POLN: variants seen among roughly 807,000 people sequenced by gnomAD.
POLN encodes DNA polymerase N.
POLN carries 108 observed loss-of-function variants against 113.5 expected under a neutral mutation model. The observed-to-expected ratio is 0.95, with a 90% CI of 0.81 to 1.12. The LOEUF is 1.12. Among genes scored for constraint, POLN ranks in the 50% most tolerant of loss-of-function variants. POLN has a pLI of 0.00. For synonymous variants in POLN, 386 were observed against 391.5 expected (o/e 0.99, Z 0.17); for missense variants, 1,097 against 1,077.1 (o/e 1.02, Z -0.26).
Position 2,241,532 on chromosome 4 carries a change from C to A in POLN, c.-25G>T. On this transcript the variant is annotated 5_prime_UTR_variant, in exon 2 of 26. Transcript: ENST00000511885. ...ACTAAATATTTACCTCAACGTCTCGCCGGGCAAGGCTCCACCTCCAGAGTC... is the reference window on the plus strand; with the variant it reads ...ACTAAATATTTACCTCAACGTCTCGACGGGCAAGGCTCCACCTCCAGAGTC... 1 of 985,900 alleles carries A rather than the reference C, an allele frequency of 1.0e-6. No individual in the cohort carries two copies. Among genetic ancestry groups the A allele is most frequent in the Non-Finnish European group, 1.2e-6 (1 of 830,262 alleles). 61.1% of individuals were successfully genotyped at this position (985,900 alleles called of 1,614,324 possible). A position where few individuals can be genotyped will look rare whatever the true frequency, so the allele number is the denominator to read the frequency against.
At chr4:2,181,183 T>C (rs573424051) in intron 7 of POLN, among the ~76,000 whole-genome samples, 23 of 152,336 alleles carry the variant, frequency 1.5e-4, no homozygotes, top group Admixed American at 1.3e-3. Flanking sequence ...CTTGCTCTGT[T>C]GCCCAAGCTG....
chr4:2,081,347 C>T, intron 22 of POLN: 1 of 681,310 alleles, frequency 1.5e-6, no homozygotes, highest in Non-Finnish European at 2.4e-6. Context: ...GTCTCCTAAA[C>T]CATAGAAGCC....
Position 2,081,014 on chromosome 4 carries a change from C to T in POLN, c.2331G>A (p.Lys777=). ...CAGTGAAGACATGGATCATGGCCAG[C>T]TTGCAGAGGTCAGCAGCGGAGCCTA... is the stretch of plus-strand genomic sequence containing the variant. ...VVQGSAADLC[K]LAMIHVFTAV... The change falls in exon 23 of 26, where the codon AAG becomes AAA. Residue 777 remains lysine (K), a synonymous_variant. Coordinates refer to ENST00000511885, the MANE Select transcript of POLN (RefSeq NM_181808.4). 6.2e-7 allele frequency: 1 copy of T among 1,613,868 alleles called. No homozygotes were observed. Among genetic ancestry groups the T allele is most frequent in the Non-Finnish European group, 8.5e-7 (1 of 1,179,976 alleles).
At chr4:2,157,800 C>A in intron 15 of POLN, 58 bp downstream of exon 15, 1 of 1,061,122 alleles carries the variant, frequency 9.4e-7, no homozygotes, top group Non-Finnish European at 1.4e-6. Flanking sequence ...CTATATGTAT[C>A]TGAACTCATA....
chr4:2,121,978 T>C (rs907636574), intron 19 of POLN, among the ~76,000 whole-genome samples: 4 of 152,146 alleles, frequency 2.6e-5, no homozygotes, highest in Non-Finnish European at 4.4e-5. Context: ...GCTATACTTT[T>C]CCCACTTTAC....
chr4:2,240,820 A>C, intron 2 of POLN: 1 of 1,613,786 alleles, frequency 6.2e-7, no homozygotes, highest in Non-Finnish European at 8.5e-7. Context: ...TTCCCACAAA[A>C]CCACTTCAGA....
At chr4:2,217,420 G>C (rs1261283623) in intron 3 of POLN, among the ~76,000 whole-genome samples, 1 of 152,192 alleles carries the variant, frequency 6.6e-6, no homozygotes, top group East Asian at 1.9e-4. Context: ...GATGTCATGG[G>C]TTCTGGGCCA....
At chr4:2,213,023 T>C (rs761935564) in intron 4 of POLN, 24 bp downstream of exon 4, 24 of 1,528,726 alleles carry the variant, frequency 1.6e-5, no homozygotes, top group Non-Finnish European at 2.2e-5. Context: ...CTATTTAAAA[T>C]TACTCATATG....
chr4:2,203,438 G>A (rs550091542), intron 5 of POLN, among the ~76,000 whole-genome samples: 1 of 152,136 alleles, frequency 6.6e-6, no homozygotes, highest in Admixed American at 6.6e-5. Context: ...AAATTAGCCA[G>A]GTGTGGTGGC....
chr4:2,161,942 C>A (rs1242638055), intron 13 of POLN, among the ~76,000 whole-genome samples: 1 of 152,086 alleles, frequency 6.6e-6, no homozygotes, highest in East Asian at 1.9e-4. Flanking sequence ...CTGTATCTAG[C>A]TAATCTGGTG....
chr4:2,109,600 TTGA>T (rs141199998), intron 19 of POLN, among the ~76,000 whole-genome samples: 1,835 of 152,336 alleles, frequency 0.012, 45 homozygotes, highest in African/African-American at 0.042. Flanking sequence ...CTATATCTTC[TTGA>T]TGAATTGGCC....
intron 6 of POLN, among the ~76,000 whole-genome samples, chr4:2,193,830 G>A (rs763817946): frequency 3.9e-5 from 6 of 152,170 alleles, no homozygotes; most frequent in Non-Finnish European, 8.8e-5. Context: ...CTTCAGGAAG[G>A]TATGCCCTAA....
At chr4:2,178,992 G>C (rs1028173370) in intron 8 of POLN, among the ~76,000 whole-genome samples, 2 of 152,068 alleles carry the variant, frequency 1.3e-5, no homozygotes, top group African/African-American at 4.8e-5. Flanking sequence ...CTGTGGCCAC[G>C]TCACCAGCCC....
At chr4:2,194,744 C>A (rs986762544) in intron 6 of POLN, among the ~76,000 whole-genome samples, 1 of 151,934 alleles carries the variant, frequency 6.6e-6, no homozygotes, top group African/African-American at 2.4e-5. Context: ...ATTAGCCAGG[C>A]GTGGTGGTGC....
intron 19 of POLN, among the ~76,000 whole-genome samples, chr4:2,105,223 C>T (rs932251355): frequency 1.1e-4 from 16 of 152,318 alleles, no homozygotes; most frequent in Middle Eastern, 3.4e-3. Context: ...AGTCCATCTC[C>T]AAACCTCATC....
chr4:2,187,295 G>A (rs1215001156), intron 7 of POLN, among the ~76,000 whole-genome samples: 2 of 152,176 alleles, frequency 1.3e-5, no homozygotes, highest in Non-Finnish European at 1.5e-5. Context: ...TCAGGCGGAA[G>A]TGCAATGGTT....
intron 3 of POLN, chr4:2,228,134 T>C (rs1734445692): frequency 6.5e-6 from 1 of 153,686 alleles, no homozygotes; most frequent in African/African-American, 2.4e-5. Context: ...TGCAATTTCA[T>C]TACTCAATTA....
At chr4:2,084,150 G>C (rs1560973069) in intron 21 of POLN, among the ~76,000 whole-genome samples, 1 of 152,240 alleles carries the variant, frequency 6.6e-6, no homozygotes, top group Non-Finnish European at 1.5e-5. Flanking sequence ...CATGCTTCTA[G>C]ACTATTCTCA....
intron 19 of POLN, among the ~76,000 whole-genome samples, chr4:2,121,200 G>A (rs533387984): frequency 1.7e-4 from 26 of 152,010 alleles, no homozygotes; most frequent in Non-Finnish European, 2.9e-4. Flanking sequence ...TCTGGGAGGC[G>A]GAGGCAGGTG....
Sources: gnomAD v4.1 joint callset for allele counts (sites outside exome capture counted in the v4.1 genomes callset) on GRCh38, gnomAD v4.1.1 for gene constraint, MANE v1.5 for transcripts, NCBI Gene and HGNC (gene_info 2026-07-23, HGNC 2026-07-21) for gene names.